The following SHROOM3 variants were observed in gnomAD, a reference collection of about 807,000 sequenced individuals.
SHROOM3 encodes protein Shroom3.
In SHROOM3, 47 loss-of-function variants were observed where a neutral mutation model predicts 138.6. The ratio of observed to expected loss-of-function variants is 0.34; its 90% CI spans 0.27 to 0.43. The LOEUF (loss-of-function observed/expected upper bound fraction) is 0.43, where lower values mean the gene tolerates loss of function less well. SHROOM3 is among the 20% of genes least tolerant of loss of function. The pLI is 1.00. For synonymous variants in SHROOM3, 1,062 were observed against 1,063.3 expected (o/e 1.00, Z 0.02); for missense variants, 2,491 against 2,596.5 (o/e 0.96, Z 0.88).
chr4:76,579,228 G>T (rs1411649025), intron 2 of SHROOM3, among the ~76,000 whole-genome samples: 1 of 151,672 alleles, frequency 6.6e-6, no homozygotes, highest in African/African-American at 2.4e-5. Flanking sequence ...CAGCACTTTG[G>T]GAGGCCAAGG....
chr4:76,729,124 C>G (rs1720796742), intron 3 of SHROOM3, among the ~76,000 whole-genome samples: 1 of 152,168 alleles, frequency 6.6e-6, no homozygotes, highest in Non-Finnish European at 1.5e-5. Flanking sequence ...TCTCACAAAA[C>G]TCCGTCAATA....
intron 1 of SHROOM3, among the ~76,000 whole-genome samples, chr4:76,451,997 T>C (rs1278322502): frequency 6.6e-6 from 1 of 152,124 alleles, no homozygotes; most frequent in East Asian, 1.9e-4. Flanking sequence ...TGCGCCACCA[T>C]GTCTAGCAGA....
chr4:76,553,421 A>G (rs545931031), intron 1 of SHROOM3, among the ~76,000 whole-genome samples: 1 of 151,716 alleles, frequency 6.6e-6, no homozygotes, highest in African/African-American at 2.4e-5. Context: ...GATTACAGGC[A>G]TGCACCACCA....
rs1053097715 is a variant in SHROOM3 at position 76,730,737 on chromosome 4, C to G, written c.456-67C>G. ...AGTCTTCGCTTCCAAATCCACAAGTCACATCAGTGAGGAGACTCAGCTGAG... is the reference window on the plus strand; with the variant it reads ...AGTCTTCGCTTCCAAATCCACAAGTGACATCAGTGAGGAGACTCAGCTGAG... On this transcript the variant is annotated intron_variant, in intron 3 of 10. Coordinates refer to ENST00000296043, the MANE Select transcript of SHROOM3 (RefSeq NM_020859.4). 5 of 1,607,276 alleles carry G rather than the reference C, an allele frequency of 3.1e-6. No homozygotes were observed. In the Admixed American group the frequency reaches 8.3e-5, roughly 27 times the overall value.
chr4:76,646,751 T>C (rs34301983), intron 2 of SHROOM3, among the ~76,000 whole-genome samples: 32,343 of 152,116 alleles, frequency 0.21, 4,300 homozygotes, highest in East Asian at 0.42. Flanking sequence ...ATGGCAATTA[T>C]GAAAAGCACA....
chr4:76,729,504 T>C (rs577952747), intron 3 of SHROOM3, among the ~76,000 whole-genome samples: 1 of 152,244 alleles, frequency 6.6e-6, no homozygotes, highest in Non-Finnish European at 1.5e-5. Flanking sequence ...AGTTGAAGTA[T>C]ATGTTTGTGT....
chr4:76,570,569 A>C (rs1267464538), intron 2 of SHROOM3, among the ~76,000 whole-genome samples: 4 of 152,166 alleles, frequency 2.6e-5, no homozygotes, highest in Admixed American at 1.3e-4. Flanking sequence ...GGTAGCAATG[A>C]ATATAAACAT....
chr4:76,625,346 A>G (rs1016881878), intron 2 of SHROOM3, among the ~76,000 whole-genome samples: 4 of 152,198 alleles, frequency 2.6e-5, no homozygotes, highest in Non-Finnish European at 5.9e-5. Flanking sequence ...AGCTATGCCA[A>G]AATAAAATAC....
intron 2 of SHROOM3, among the ~76,000 whole-genome samples, chr4:76,596,016 C>A (rs1160627384): frequency 6.6e-6 from 1 of 152,198 alleles, no homozygotes; most frequent in African/African-American, 2.4e-5. Context: ...TGCACACACA[C>A]TGAATCCTAT....
intron 2 of SHROOM3, among the ~76,000 whole-genome samples, chr4:76,618,805 T>C (rs1384082758): frequency 1.3e-5 from 2 of 152,310 alleles, no homozygotes; most frequent in East Asian, 1.9e-4. Context: ...ATAATGTCCT[T>C]TATAGCTTAT....
chr4:76,440,076 CA>C (rs1294809470), intron 1 of SHROOM3, among the ~76,000 whole-genome samples: 5 of 152,292 alleles, frequency 3.3e-5, no homozygotes, highest in African/African-American at 1.2e-4. Flanking sequence ...GTTCCACCTG[CA>C]GAAGAGATGC....
intron 2 of SHROOM3, among the ~76,000 whole-genome samples, chr4:76,572,581 T>C (rs1238637923): frequency 6.6e-6 from 1 of 152,186 alleles, no homozygotes; most frequent in Non-Finnish European, 1.5e-5. Flanking sequence ...AAAGACTCAT[T>C]TCATAATTTT....
chr4:76,636,261 C>T (rs1735491331), intron 2 of SHROOM3, among the ~76,000 whole-genome samples: 1 of 152,156 alleles, frequency 6.6e-6, no homozygotes, highest in African/African-American at 2.4e-5. Context: ...AAACACCCAG[C>T]TATTTTAAAA....
chr4:76,633,870 C>T lies in SHROOM3; in HGVS notation c.324-76286C>T, dbSNP rs145007946. On this transcript the variant is annotated intron_variant, in intron 2 of 10. Transcript: ENST00000296043. ...TCAACCAATATGCTATCCTTTAATA[C>T]CAGGCAAATGGAAGGGAGACTCCGG... Among the ~76,000 whole-genome samples the T allele has an allele frequency of 1.3e-3, 194 of 152,142 alleles. 3 individuals are homozygous for T. The highest frequency in any genetic ancestry group is 4.5e-3 in the African/African-American group (186 of 41,480).
intron 2 of SHROOM3, among the ~76,000 whole-genome samples, chr4:76,564,129 A>G (rs1733651849): frequency 6.6e-6 from 1 of 151,792 alleles, no homozygotes; most frequent in South Asian, 2.1e-4. Flanking sequence ...TCATTACTTC[A>G]CTCATCCTGG....
At position 76,555,777 on chromosome 4, in the gene SHROOM3, C is replaced by CCCCA; in HGVS notation, c.323+18_323+21dup. On this transcript the variant is annotated intron_variant, in intron 2 of 10. Transcript: ENST00000296043. ...GGTAGTGCGCAGGTAGGTGGCAGAC[C>CCCCA]CCCACCCTGTCCCTCCTACCACCTC... 6.2e-7 allele frequency: 1 copy of CCCCA among 1,610,180 alleles called. No homozygotes were observed. The highest frequency in any genetic ancestry group is 8.5e-7 in the Non-Finnish European group (1 of 1,179,690).
chr4:76,695,313 C>CA (rs373928765), intron 2 of SHROOM3, among the ~76,000 whole-genome samples: 31 of 152,236 alleles, frequency 2.0e-4, no homozygotes, highest in African/African-American at 7.0e-4. Flanking sequence ...TATTTGTGAA[C>CA]AAAAAATTGG....
At chr4:76,616,021 C>T (rs1197840367) in intron 2 of SHROOM3, among the ~76,000 whole-genome samples, 1 of 152,086 alleles carries the variant, frequency 6.6e-6, no homozygotes, top group East Asian at 1.9e-4. Context: ...GATTAGACTC[C>T]AGAGGGCAGA....
chr4:76,472,348 A>G (rs544757696), intron 1 of SHROOM3, among the ~76,000 whole-genome samples: 107 of 152,344 alleles, frequency 7.0e-4, no homozygotes, highest in Non-Finnish European at 1.4e-3. Context: ...GATATTTGTT[A>G]TCAAATATTA....
Sources: allele counts gnomAD v4.1 joint callset (sites outside exome capture counted in the v4.1 genomes callset), GRCh38; gene constraint gnomAD v4.1.1; transcripts MANE v1.5; gene names NCBI Gene and HGNC (gene_info 2026-07-23, HGNC 2026-07-21).